The following ATAD2B variants were observed in gnomAD, a reference collection of about 807,000 sequenced individuals.
ATAD2B encodes the protein ATPase family AAA domain-containing protein 2B.
A neutral mutation model predicts 167.6 loss-of-function variants in ATAD2B; 40 were observed. That is an observed-to-expected ratio of 0.24 (90% confidence interval 0.19 to 0.31). The LOEUF (loss-of-function observed/expected upper bound fraction) is 0.31, where lower values mean the gene tolerates loss of function less well. ATAD2B is among the 10% of genes least tolerant of loss of function. ATAD2B has a pLI of 1.00. For synonymous variants in ATAD2B, 579 were observed against 596.5 expected, an observed-to-expected ratio of 0.97 and a Z score of 0.43; for missense variants, 1,242 against 1,757.2, an observed-to-expected ratio of 0.71 and a Z score of 5.24.
the ATAD2B span, chr2:23,703,146 G>A: frequency 2.2e-6 from 3 of 1,373,042 alleles, no homozygotes; most frequent in Non-Finnish European, 2.9e-6. Context: ...CCCGCACAAG[G>A]TCCATCTTGA....
chr2:23,762,142 AT>A lies in ATAD2B; in HGVS notation c.3394+66del, dbSNP rs951724241. Reference sequence around the variant, plus strand: ...AGAGCGGCACTTTGTTTTGTACCCAATTCCTAACATATCTACATCATTCTCA... The same window carrying A: ...AGAGCGGCACTTTGTTTTGTACCCAATCCTAACATATCTACATCATTCTCA... On this transcript the variant is annotated intron_variant, in intron 24 of 27. Transcript: ENST00000238789. 43 of 1,530,460 alleles carry A rather than the reference AT, an allele frequency of 2.8e-5. No individual in the cohort carries two copies. The African/African-American group carries it at 5.7e-4, about 20-fold the overall frequency. 94.8% of individuals were successfully genotyped at this position (1,530,460 alleles called of 1,614,324 possible). A position where few individuals can be genotyped will look rare whatever the true frequency, so the allele number is the denominator to read the frequency against.
chr2:23,926,466 A>G, intron 1 of ATAD2B, 89 bp downstream of exon 1: 1 of 1,483,730 alleles, frequency 6.7e-7, no homozygotes, highest in Non-Finnish European at 8.9e-7. Flanking sequence ...TCTCCACTGT[A>G]GGCTTCCTAC....
At chr2:23,836,539 G>A (rs1218769053) in intron 13 of ATAD2B, among the ~76,000 whole-genome samples, 1 of 152,180 alleles carries the variant, frequency 6.6e-6, no homozygotes, top group African/African-American at 2.4e-5. Context: ...CTTGTCCTGA[G>A]TCCAGGAAGA....
At chr2:23,812,996 C>T (rs78890483) in intron 17 of ATAD2B, among the ~76,000 whole-genome samples, 2,211 of 152,102 alleles carry the variant, frequency 0.015, 33 homozygotes, top group Middle Eastern at 0.041. Context: ...AACCAGGGCT[C>T]GTGGAGGTTA....
chr2:23,795,886 A>G lies in ATAD2B; in HGVS notation c.2640+2252T>C, dbSNP rs1313373276. Among the ~76,000 whole-genome samples the G allele has an allele frequency of 2.7e-5, 4 of 150,822 alleles. No homozygotes were observed. The East Asian group carries it at 7.7e-4, about 29-fold the overall frequency. On this transcript the variant is annotated intron_variant, in intron 19 of 27. Coordinates refer to ENST00000238789, the MANE Select transcript of ATAD2B (RefSeq NM_017552.4). ...TGAGTGAGACTCCATCTCAAAAAAAAAAAAGAAAAAAGAAAAAAGAAAGCA... is the reference window on the plus strand; with the variant it reads ...TGAGTGAGACTCCATCTCAAAAAAAGAAAAGAAAAAAGAAAAAAGAAAGCA...
Position 23,754,678 on chromosome 2 carries a change from G to A in ATAD2B, c.4175C>T (p.Pro1392Leu). ...LVPEEPSEPV[P>L]PLIVDRERLK... ...TCTCTCACGATCAACTATAAGAGGAGGCACAGGCTCAGATGGCTCTTCTGG... is the reference window on the plus strand; with the variant it reads ...TCTCTCACGATCAACTATAAGAGGAAGCACAGGCTCAGATGGCTCTTCTGG... The change falls in exon 26 of 28, where the codon CCT becomes CTT. Residue 1392 changes from proline to leucine, a missense_variant. Pro to Leu is a moderately conservative substitution (Grantham distance 98). This residue lies in a region of ATAD2B where 282 missense variants were observed against 346.8 expected (regional missense o/e 0.81). Coordinates refer to ENST00000238789, the MANE Select transcript of ATAD2B (RefSeq NM_017552.4). 6.2e-7 allele frequency: 1 copy of A among 1,612,968 alleles called. No individual in the cohort carries two copies. Among genetic ancestry groups the A allele is most frequent in the Non-Finnish European group, 8.5e-7 (1 of 1,179,302 alleles).
chr2:23,685,370 C>CA, the ATAD2B span: 1 of 152,380 alleles, frequency 6.6e-6, no homozygotes. Flanking sequence ...GGGTAACGCT[C>CA]ACGTTTCTCT....
At chr2:23,837,162 T>C (rs2712051) in intron 13 of ATAD2B, among the ~76,000 whole-genome samples, 111,429 of 152,170 alleles carry the variant, frequency 0.73, 41,201 homozygotes, top group East Asian at 0.85. Flanking sequence ...GAGGGGGCTG[T>C]GGCAGCAGGG....
At chr2:23,746,961 CG>C (rs1674918978), downstream of ATAD2B, among the ~76,000 whole-genome samples, 2 of 152,124 alleles carry the variant, frequency 1.3e-5, no homozygotes, top group Admixed American at 6.5e-5. Flanking sequence ...CATGAAGACA[CG>C]GACTTTTTCT....
chr2:23,908,081 C>T (rs1430674930), intron 1 of ATAD2B, among the ~76,000 whole-genome samples: 1 of 152,156 alleles, frequency 6.6e-6, no homozygotes, highest in East Asian at 1.9e-4. Context: ...AGGCAATGGG[C>T]AAGGACTTCG....
At chr2:23,877,178 A>G (rs920351269) in intron 7 of ATAD2B, among the ~76,000 whole-genome samples, 2 of 152,082 alleles carry the variant, frequency 1.3e-5, no homozygotes, top group Non-Finnish European at 2.9e-5. Context: ...TGGAAGGCCA[A>G]GTCAAAGGAC....
At chr2:23,839,696 G>A (rs72786276) in intron 13 of ATAD2B, among the ~76,000 whole-genome samples, 15,317 of 152,026 alleles carry the variant, frequency 0.1, 877 homozygotes, top group Middle Eastern at 0.17. Context: ...AGTTTCCAAT[G>A]AATTTTCTCA....
chr2:23,828,718 A>G, intron 15 of ATAD2B, 131 bp downstream of exon 15: 1 of 567,934 alleles, frequency 1.8e-6, no homozygotes, highest in Non-Finnish European at 3.0e-6. Flanking sequence ...ATAACTTTAA[A>G]ACATAAAGGT....
At chr2:23,721,989 G>A in the ATAD2B span, among the ~76,000 whole-genome samples, 1 of 152,252 alleles carries the variant, frequency 6.6e-6, no homozygotes, top group Non-Finnish European at 1.5e-5. Context: ...AACACCACTA[G>A]TGTGGATTGC....
intron 13 of ATAD2B, chr2:23,856,367 T>C (rs1054969936): frequency 3.5e-5 from 10 of 285,366 alleles, no homozygotes; most frequent in Non-Finnish European, 6.8e-5. Context: ...CAGTTTCAAA[T>C]GTTGGAACAT....
At chr2:23,733,527 C>T in the ATAD2B span, among the ~76,000 whole-genome samples, 2 of 152,196 alleles carry the variant, frequency 1.3e-5, no homozygotes, top group African/African-American at 2.4e-5. Flanking sequence ...GGTAGCTAAC[C>T]TTAAAAGCCT....
At chr2:23,822,511 T>C (rs1403179631) in intron 16 of ATAD2B, among the ~76,000 whole-genome samples, 1 of 151,646 alleles carries the variant, frequency 6.6e-6, no homozygotes, top group Admixed American at 6.6e-5. Context: ...GGCCACTGCA[T>C]TCCAACCTAG....
chr2:23,684,510 G>A, the ATAD2B span: 2 of 1,550,136 alleles, frequency 1.3e-6, no homozygotes, highest in Non-Finnish European at 1.7e-6. This position sits in a 1 kb window ranked among gnomAD's most constrained non-coding sequence, Gnocchi z 4.4. Flanking sequence ...GCTTCCTGCA[G>A]CTTGTATTTC....
the ATAD2B span, chr2:23,696,201 G>A: frequency 4.7e-6 from 7 of 1,501,992 alleles, no homozygotes; most frequent in East Asian, 2.5e-5. The surrounding 1 kb of genome is among the most constrained non-coding windows in gnomAD (Gnocchi z 5.5). Flanking sequence ...CCCACGTCAG[G>A]GCTGAGGAAG....
Sources: allele counts gnomAD v4.1 joint callset (sites outside exome capture counted in the v4.1 genomes callset), GRCh38; gene constraint gnomAD v4.1.1; regional missense constraint gnomAD v4.1.1; non-coding constraint Gnocchi (gnomAD v3.1); transcripts MANE v1.5; gene names NCBI Gene and HGNC (gene_info 2026-07-23, HGNC 2026-07-21).